ATXN2: variants seen among roughly 807,000 people sequenced by gnomAD.
ATXN2 encodes the protein ataxin-2.
A neutral mutation model predicts 138.6 loss-of-function variants in ATXN2; 37 were observed. The ratio of observed to expected loss-of-function variants is 0.27; its 90% CI spans 0.21 to 0.35. The LOEUF is 0.35. ATXN2 is among the 10% of genes least tolerant of loss of function. ATXN2 has a pLI of 1.00. For missense variants in ATXN2, 1,216 were observed against 1,480.3 expected, an observed-to-expected ratio of 0.82 and a Z score of 2.93; for synonymous variants, 549 against 543.7, an observed-to-expected ratio of 1.01 and a Z score of -0.13.
chr12:111,511,629 C>T (rs967649284), intron 11 of ATXN2: 1 of 152,032 alleles, frequency 6.6e-6, no homozygotes, highest in Admixed American at 6.6e-5. Context: ...CAATGCCCAG[C>T]TAATTTTTGT....
chr12:111,473,345 C>T (rs1876554677), intron 18 of ATXN2, among the ~76,000 whole-genome samples: 1 of 151,586 alleles, frequency 6.6e-6, no homozygotes, highest in Non-Finnish European at 1.5e-5. Flanking sequence ...AAAAAAACCA[C>T]CTCACTGGTT....
At chr12:111,476,715 C>T (rs560710003) in intron 18 of ATXN2, among the ~76,000 whole-genome samples, 1 of 152,188 alleles carries the variant, frequency 6.6e-6, no homozygotes, top group African/African-American at 2.4e-5. Flanking sequence ...ACAAAGAAAA[C>T]TAGAAAACAC....
At chr12:111,467,308 T>A (rs1241420658) in intron 20 of ATXN2, among the ~76,000 whole-genome samples, 1 of 82,404 alleles carries the variant, frequency 1.2e-5, no homozygotes, top group Non-Finnish European at 2.1e-5. Flanking sequence ...ATGACTGGGC[T>A]TTTTTTTTTT....
chr12:111,595,514 T>C (rs992433329), intron 1 of ATXN2, among the ~76,000 whole-genome samples: 3 of 151,476 alleles, frequency 2.0e-5, no homozygotes, highest in African/African-American at 7.3e-5. Context: ...TGGTGGAACA[T>C]TCCTGTAGCC....
chr12:111,542,380 G>A (rs1189400311), intron 5 of ATXN2, among the ~76,000 whole-genome samples: 7 of 151,806 alleles, frequency 4.6e-5, no homozygotes, highest in Middle Eastern at 3.4e-3. Context: ...ACAGGTGCCC[G>A]TCACCTCGCC....
chr12:111,562,198 C>G (rs1057122675), intron 1 of ATXN2, among the ~76,000 whole-genome samples: 1 of 151,898 alleles, frequency 6.6e-6, no homozygotes, highest in African/African-American at 2.4e-5. Flanking sequence ...AATCCAGAGG[C>G]TGAGGCAGAA....
intron 5 of ATXN2, among the ~76,000 whole-genome samples, chr12:111,534,507 T>TG (rs754522190): frequency 3.3e-5 from 5 of 151,900 alleles, no homozygotes; most frequent in Non-Finnish European, 5.9e-5. Context: ...ACACCATGGT[T>TG]GGGGGGGACG....
chr12:111,561,398 G>A (rs1034867307), intron 1 of ATXN2, among the ~76,000 whole-genome samples: 1 of 152,102 alleles, frequency 6.6e-6, no homozygotes, highest in East Asian at 1.9e-4. Flanking sequence ...GGAGGAGGTG[G>A]CTGAGGGAGG....
intron 1 of ATXN2, among the ~76,000 whole-genome samples, chr12:111,558,449 T>C (rs1882504351): frequency 6.6e-6 from 1 of 152,190 alleles, no homozygotes; most frequent in Non-Finnish European, 1.5e-5. Flanking sequence ...ATGCTTTTAA[T>C]AGTTGCCAAA....
At chr12:111,521,026 C>A in intron 6 of ATXN2, 53 bp from the exon 7 acceptor site, 1 of 1,185,358 alleles carries the variant, frequency 8.4e-7, no homozygotes, top group South Asian at 1.3e-5. Flanking sequence ...TGTTCCCTTT[C>A]ATTCAGTTAT....
chr12:111,491,443 G>A (rs1477401603), intron 14 of ATXN2, among the ~76,000 whole-genome samples: 2 of 152,144 alleles, frequency 1.3e-5, no homozygotes, highest in South Asian at 4.1e-4. Context: ...CAGCTAGGGT[G>A]GCCAAGGGAG....
chr12:111,588,513 TC>T (rs1222656813), intron 1 of ATXN2, among the ~76,000 whole-genome samples: 1 of 151,356 alleles, frequency 6.6e-6, no homozygotes, highest in Non-Finnish European at 1.5e-5. Context: ...TCCCAGCTAC[TC>T]AGGAGGCTGA....
At position 111,453,770 on chromosome 12, in the gene ATXN2, G is replaced by A. The variant is rs555344896; in HGVS notation, c.3346C>T (p.Pro1116Ser). The change falls in exon 24 of 25, where the codon CCC becomes TCC. Residue 1116 changes from proline (P) to serine (S), a missense_variant. Transcript: ENST00000673436. The surrounding 1 kb of genome is among the most constrained non-coding windows in gnomAD (Gnocchi z 5.4). Reference protein sequence around the residue: ...APMMLMTTQPPGGPQAALAQS... With the variant: ...APMMLMTTQPSGGPQAALAQS... ...GCGAGGGCGGCCTGGGGACCGCCGG[G>A]TGGCTGTGTCGTCATTAGCATCATT... The A allele has an allele frequency of 1.2e-6, 2 of 1,614,194 alleles. No homozygotes were observed. Among genetic ancestry groups the A allele is most frequent in the Admixed American group, 3.3e-5 (2 of 60,022 alleles).
At position 111,598,954 on chromosome 12, in the gene ATXN2, C is replaced by CTGT. The variant is rs766171616; in HGVS notation, c.80_81insACA (p.Gln28dup). The CTGT allele has an allele frequency of 1.9e-5, 13 of 701,848 alleles. No individual in the cohort carries two copies. The Admixed American group carries it at 3.3e-4, about 18-fold the overall frequency. The allele number at this position is 701,848 out of a possible 1,614,324, so 43.5% of individuals were successfully genotyped here. Reference sequence around the variant, plus strand: ...CATTGGCAGCCGCGGGCGGCGGCTGCTGCTGCTGCTGCTGCTGCTGCTGTT... The same window carrying CTGT: ...CATTGGCAGCCGCGGGCGGCGGCTGCTGTTGCTGCTGCTGCTGCTGCTGCTGTT... On this transcript the variant is annotated inframe_insertion, in exon 1 of 25. Coordinates refer to ENST00000673436, the MANE Select transcript of ATXN2 (RefSeq NM_001372574.1). This position sits in a 1 kb window ranked among gnomAD's most constrained non-coding sequence, Gnocchi z 4.5.
intron 21 of ATXN2, among the ~76,000 whole-genome samples, chr12:111,460,579 T>C (rs1248352467): frequency 6.6e-6 from 1 of 152,076 alleles, no homozygotes; most frequent in Non-Finnish European, 1.5e-5. Flanking sequence ...CAGAGGTTTT[T>C]GTTTTTTTTT....
chr12:111,517,769 G>A (rs192457632), intron 9 of ATXN2, among the ~76,000 whole-genome samples: 200 of 152,200 alleles, frequency 1.3e-3, no homozygotes, highest in African/African-American at 4.7e-3. Flanking sequence ...TCTTGATCAT[G>A]TCTTGTATTA....
chr12:111,519,539 T>C (rs1880042379), intron 8 of ATXN2, among the ~76,000 whole-genome samples: 2 of 152,216 alleles, frequency 1.3e-5, no homozygotes, highest in Non-Finnish European at 2.9e-5. Context: ...CCTCATTCTG[T>C]ATGTTCCTAG....
In ATXN2 at chr12:111,488,725, T is replaced by C; in HGVS notation, c.1991A>G (p.Glu664Gly). 1 of 1,610,924 alleles carries C rather than the reference T, an allele frequency of 6.2e-7. No individual in the cohort carries two copies. Among genetic ancestry groups the C allele is most frequent in the East Asian group, 2.2e-5 (1 of 44,866 alleles). Reference protein sequence around the residue: ...SMDQLLNKNREGEKSRDLIKD... With the variant: ...SMDQLLNKNRGGEKSRDLIKD... ...GATCAAATCTCTTGATTTTTCTCCC[T>C]CTCTATTTTTGTTTAGTAGTTGATC... The change falls in exon 15 of 25, where the codon GAG (glutamate) becomes GGG (glycine). Residue 664 changes from glutamate to glycine, a missense_variant. Glu to Gly is a moderately conservative substitution (Grantham distance 98, BLOSUM62 -2). This residue lies in a region of ATXN2 where 490 missense variants were observed against 653.5 expected (regional missense o/e 0.75). Transcript: ENST00000673436.
chr12:111,479,875 AGG>A (rs1877097949), intron 18 of ATXN2, among the ~76,000 whole-genome samples: 2 of 150,484 alleles, frequency 1.3e-5, no homozygotes, highest in South Asian at 4.2e-4. Context: ...AAAAAAATCT[AGG>A]GGCTGGCTGA....
Sources: gnomAD v4.1 joint callset for allele counts (sites outside exome capture counted in the v4.1 genomes callset) on GRCh38, gnomAD v4.1.1 for gene constraint, gnomAD v4.1.1 regional missense constraint, Gnocchi (gnomAD v3.1) non-coding constraint, MANE v1.5 for transcripts, NCBI Gene and HGNC (gene_info 2026-07-23, HGNC 2026-07-21) for gene names.